Variants in SLC2A8 observed in about 807,000 individuals in gnomAD.
The protein encoded by SLC2A8 is solute carrier family 2 member 8, also known as solute carrier family 2, facilitated glucose transporter member 8.
In SLC2A8, 53 loss-of-function variants were observed where a neutral mutation model predicts 49.2. That is an observed-to-expected ratio of 1.08 (90% CI 0.86 to 1.35). SLC2A8 has a LOEUF of 1.35. Ranked by LOEUF, SLC2A8 falls within the 40% of genes most tolerant of loss-of-function variation. The pLI is 0.00. For missense variants in SLC2A8, 688 were observed against 671.7 expected (o/e 1.02, Z -0.27); for synonymous variants, 299 against 297.0 (o/e 1.01, Z -0.07).
At chr9:127,401,106 A>G (rs1833270779) in intron 4 of SLC2A8, among the ~76,000 whole-genome samples, 1 of 152,206 alleles carries the variant, frequency 6.6e-6, no homozygotes, top group Non-Finnish European at 1.5e-5. Context: ...AAAAGAAAGA[A>G]AAAACAAGGG....
At chr9:127,407,896 AAAC>A (rs1833545378) in exon 10 of SLC2A8, 1 of 153,000 alleles carries the variant, frequency 6.5e-6, no homozygotes, top group African/African-American at 2.4e-5. Context: ...AAACAAAAAA[AAAC>A]ACCTTTTGTT....
At chr9:127,397,867 G>A (rs961843429) in intron 2 of SLC2A8, 38 bp from the exon 3 acceptor site, 3 of 1,442,686 alleles carry the variant, frequency 2.1e-6, no homozygotes, top group East Asian at 2.6e-5. Flanking sequence ...ATGGGCTGCG[G>A]CTTCGGCGCC....
In SLC2A8 at chr9:127,397,547, CCG is replaced by C; in HGVS notation, c.219+10_219+11del. 1 of 1,402,756 alleles carries C rather than the reference CCG, an allele frequency of 7.1e-7. No individual in the cohort carries two copies. The allele number at this position is 1,402,756 out of a possible 1,614,324, so 86.9% of individuals were successfully genotyped here. On this transcript the variant is annotated intron_variant, in intron 2 of 9. Coordinates refer to ENST00000373371, the MANE Select transcript of SLC2A8 (RefSeq NM_014580.5). ...CCGCCTCCTGGTTCGGGGTGAGGCCCCGGGCTCGCTCCTCCCGCCCTGGGACC... is the reference window on the plus strand; with the variant it reads ...CCGCCTCCTGGTTCGGGGTGAGGCCCGGCTCGCTCCTCCCGCCCTGGGACC...
At chr9:127,403,531 G>C (rs1038615714) in intron 5 of SLC2A8, 129 bp from the exon 6 acceptor site, 2 of 1,058,608 alleles carry the variant, frequency 1.9e-6, no homozygotes, top group Non-Finnish European at 2.8e-6. Flanking sequence ...AGGACACAGG[G>C]GGTGCTGGGA....
rs1402669352 is a variant in SLC2A8, at chr9:127,407,499, C to T, written c.*250C>T. On this transcript the variant is annotated 3_prime_UTR_variant, in exon 10 of 10. Transcript: ENST00000373371. Reference sequence around the variant, plus strand: ...GCTTTGCAGACCTGCGGTCAGCCCTCCATGCGCAAGACTAAAGCAGCGGAA... The same window carrying T: ...GCTTTGCAGACCTGCGGTCAGCCCTTCATGCGCAAGACTAAAGCAGCGGAA... 3.1e-6 allele frequency: 2 copies of T among 635,544 alleles called. No homozygotes were observed. The highest frequency in any genetic ancestry group is 6.0e-6 in the Non-Finnish European group (2 of 333,448). The allele number at this position is 635,544 out of a possible 1,614,324, so 39.4% of individuals were successfully genotyped here.
intron 4 of SLC2A8, 64 bp downstream of exon 4, chr9:127,400,070 A>T: frequency 6.9e-7 from 1 of 1,444,772 alleles, no homozygotes; most frequent in Non-Finnish European, 9.7e-7. Flanking sequence ...AGATGTGTAA[A>T]CAGAGGTTCA....
In SLC2A8 at chr9:127,407,386, C is replaced by A; in HGVS notation, c.*137C>A. ...CAGGGTCCCTCCTTCCTGTCATGCT[C>A]CCTCCAGCCCATGACCCGGGGCTAG... is the stretch of plus-strand genomic sequence containing the variant. On this transcript the variant is annotated 3_prime_UTR_variant, in exon 10 of 10. Transcript: ENST00000373371. 1 of 1,107,706 alleles carries A rather than the reference C, an allele frequency of 9.0e-7. No homozygotes were observed. Among genetic ancestry groups the A allele is most frequent in the Non-Finnish European group, 1.4e-6 (1 of 731,582 alleles). 68.6% of individuals were successfully genotyped at this position (1,107,706 alleles called of 1,614,324 possible).
At position 127,397,627 on chromosome 9, in the gene SLC2A8, C is replaced by T. The variant is rs549895476; in HGVS notation, c.219+89C>T. ...GGGACCCTCCGCCCCCCACCCTTCCCCTCGGGACAGGCATCGGGCCCCGCC... is the reference window on the plus strand; with the variant it reads ...GGGACCCTCCGCCCCCCACCCTTCCTCTCGGGACAGGCATCGGGCCCCGCC... On this transcript the variant is annotated intron_variant, in intron 2 of 9. Transcript: ENST00000373371. The T allele has an allele frequency of 1.1e-3, 1,517 of 1,354,666 alleles. 18 individuals carry two copies. The African/African-American group carries it at 0.021, about 19-fold the overall frequency. 83.9% of individuals were successfully genotyped at this position (1,354,666 alleles called of 1,614,324 possible).
intron 9 of SLC2A8, among the ~76,000 whole-genome samples, chr9:127,406,357 T>C (rs1833492377): frequency 6.6e-6 from 1 of 152,156 alleles, no homozygotes; most frequent in African/African-American, 2.4e-5. Flanking sequence ...TGGGACCCGC[T>C]TAGGCAGGAC....
At chr9:127,400,399 C>T (rs539654958) in intron 4 of SLC2A8, among the ~76,000 whole-genome samples, 5 of 152,142 alleles carry the variant, frequency 3.3e-5, no homozygotes, top group East Asian at 1.9e-4. Context: ...CCTCATGAAC[C>T]GCCAAACCTC....
chr9:127,398,268 G>A (rs1833126386), intron 3 of SLC2A8, 157 bp downstream of exon 3: 1 of 827,164 alleles, frequency 1.2e-6, no homozygotes, highest in Non-Finnish European at 2.2e-6. Context: ...CCCTCCCGTC[G>A]ACCCTGGGAA....
rs1162367646 is a variant in SLC2A8 at position 127,397,257 on chromosome 9, C to T, written c.27C>T (p.Thr9=). 1 of 1,426,168 alleles carries T rather than the reference C, an allele frequency of 7.0e-7. No individual in the cohort carries two copies. Among genetic ancestry groups the T allele is most frequent in the Non-Finnish European group, 9.1e-7 (1 of 1,099,500 alleles). 88.3% of individuals were successfully genotyped at this position (1,426,168 alleles called of 1,614,324 possible). Residue 9 remains threonine, a synonymous_variant, in exon 1 of 10, where the codon ACC becomes ACT. Transcript: ENST00000373371. The stretch of plus-strand genomic sequence containing the variant: ...TGACGCCCGAGGACCCAGAGGAAAC[C>T]CAGCCGCTTCTGGGGCCTCCTGGCG... MTPEDPEE[T]QPLLGPPGGS... is the part of the protein sequence containing the mutation.
At chr9:127,400,332 T>C (rs1833235254) in intron 4 of SLC2A8, among the ~76,000 whole-genome samples, 1 of 152,034 alleles carries the variant, frequency 6.6e-6, no homozygotes, top group Non-Finnish European at 1.5e-5. Flanking sequence ...TAATTGTTTG[T>C]ATTTTTGGTA....
Position 127,403,694 on chromosome 9 carries a change from T to A in SLC2A8, c.758T>A (p.Ile253Asn). The change falls in exon 6 of 10, where the codon ATC becomes AAC. Residue 253 changes from isoleucine (I) to asparagine (N), a missense_variant. Physicochemically the swap from Ile to Asn is moderately radical, Grantham distance 149. Coordinates refer to ENST00000373371, the MANE Select transcript of SLC2A8 (RefSeq NM_014580.5). The stretch of plus-strand genomic sequence containing the variant: ...CTGGCCCTGCTGCGGCAGCCCGGCA[T>A]CTACAAGCCCTTCATCATCGGCGTC... ...FHLALLRQPG[I>N]YKPFIIGVSL... 6.2e-7 allele frequency: 1 copy of A among 1,612,966 alleles called. No homozygotes were observed. Among genetic ancestry groups the A allele is most frequent in the Non-Finnish European group, 8.5e-7 (1 of 1,179,928 alleles).
chr9:127,404,470 T>G, intron 7 of SLC2A8: 1 of 349,656 alleles, frequency 2.9e-6, no homozygotes, highest in Non-Finnish European at 5.3e-6. Flanking sequence ...GAGTGGGAGG[T>G]GATCCACGTG....
At chr9:127,403,500 TG>T in intron 5 of SLC2A8, 159 bp from the exon 6 acceptor site, 1 of 780,644 alleles carries the variant, frequency 1.3e-6, no homozygotes, top group Non-Finnish European at 2.1e-6. Flanking sequence ...ATGGGGAGGC[TG>T]GGACTTGTCT....
chr9:127,407,032 G>C (rs886525662), intron 9 of SLC2A8, 80 bp from the exon 10 acceptor site: 88 of 1,542,010 alleles, frequency 5.7e-5, no homozygotes, highest in Admixed American at 1.0e-4. Context: ...GGACCCCCTG[G>C]TGGCAGAGCT....
intron 9 of SLC2A8, among the ~76,000 whole-genome samples, 165 bp from the exon 10 acceptor site, chr9:127,406,947 A>G (rs989228129): frequency 6.6e-6 from 1 of 152,186 alleles, no homozygotes; most frequent in African/African-American, 2.4e-5. Context: ...ATGCCAGACT[A>G]TCCTCCATGT....
At position 127,398,104 on chromosome 9, in the gene SLC2A8, T is replaced by C. The variant is rs1222611074; in HGVS notation, c.419T>C (p.Val140Ala). 1.9e-6 allele frequency: 3 copies of C among 1,576,524 alleles called. No homozygotes were observed. Among genetic ancestry groups the C allele is most frequent in the East Asian group, 4.6e-5 (2 of 43,786 alleles). Residue 140 changes from valine to alanine, a missense_variant, in exon 3 of 10, where the codon GTG (valine) becomes GCG (alanine). Transcript: ENST00000373371. The stretch of plus-strand genomic sequence containing the variant: ...CTGGCCTGCGGTGTTGCCTCCCTAG[T>C]GGCCCCGGTGAGTGTCCCGTCTCTC... ...TGLACGVASL[V>A]APVYISEIAY...
Sources: allele counts gnomAD v4.1 joint callset (sites outside exome capture counted in the v4.1 genomes callset), GRCh38; gene constraint gnomAD v4.1.1; transcripts MANE v1.5; gene names NCBI Gene and HGNC (gene_info 2026-07-23, HGNC 2026-07-21).